Variants in DPP10 observed in about 807,000 individuals in gnomAD.
DPP10 encodes dipeptidyl peptidase like 10.
A neutral mutation model predicts 120.9 loss-of-function variants in DPP10; 33 were observed. The observed-to-expected ratio is 0.27, with a 90% CI of 0.21 to 0.37. The LOEUF (loss-of-function observed/expected upper bound fraction) is 0.37, where lower values mean the gene tolerates loss of function less well. DPP10 is among the 10% of genes least tolerant of loss of function. The pLI, the probability that DPP10 is intolerant of heterozygous loss-of-function variation, is 1.00. For synonymous variants in DPP10, 337 were observed against 326.1 expected (o/e 1.03, Z -0.36); for missense variants, 816 against 942.8 (o/e 0.87, Z 1.76).
chr2:114,522,263 C>T (rs575689834), intron 1 of DPP10, among the ~76,000 whole-genome samples: 35 of 152,138 alleles, frequency 2.3e-4, no homozygotes, highest in African/African-American at 7.7e-4. Flanking sequence ...GGATTACAGG[C>T]GTGAGCCACC....
At chr2:115,782,023 G>C (rs1266365080) in intron 16 of DPP10, among the ~76,000 whole-genome samples, 1 of 151,970 alleles carries the variant, frequency 6.6e-6, no homozygotes, top group Non-Finnish European at 1.5e-5. Context: ...TTGTGAATCA[G>C]CTTTGTGAAC....
chr2:115,153,156 T>C (rs1232206164), intron 1 of DPP10, among the ~76,000 whole-genome samples: 2 of 152,200 alleles, frequency 1.3e-5, no homozygotes, highest in Admixed American at 1.3e-4. Flanking sequence ...GTAATAATGC[T>C]TGTCCTTTGC....
At chr2:115,300,200 A>G (rs1428112067) in intron 1 of DPP10, among the ~76,000 whole-genome samples, 1 of 152,054 alleles carries the variant, frequency 6.6e-6, no homozygotes. Flanking sequence ...CTGAAACTGC[A>G]TAACCATTAA....
intron 1 of DPP10, among the ~76,000 whole-genome samples, chr2:114,581,249 T>A (rs1438034241): frequency 2.2e-5 from 3 of 138,768 alleles, no homozygotes; most frequent in African/African-American, 8.0e-5. Context: ...CAGTGGCGCA[T>A]CTTGGCTCAC....
intron 1 of DPP10, among the ~76,000 whole-genome samples, chr2:114,771,870 T>G (rs1187282495): frequency 6.6e-6 from 1 of 152,064 alleles, no homozygotes; most frequent in Non-Finnish European, 1.5e-5. Flanking sequence ...TAATAAACAC[T>G]TTAGATTTTT....
chr2:115,344,615 T>C (rs923675675), intron 3 of DPP10, among the ~76,000 whole-genome samples: 1 of 152,122 alleles, frequency 6.6e-6, no homozygotes, highest in African/African-American at 2.4e-5. Context: ...CTTAAGTCAA[T>C]CTCTGACATA....
At chr2:115,077,549 C>A (rs1707903631) in intron 1 of DPP10, among the ~76,000 whole-genome samples, 1 of 152,164 alleles carries the variant, frequency 6.6e-6, no homozygotes, top group Non-Finnish European at 1.5e-5. Flanking sequence ...ACAGTAACAA[C>A]CTTGCCTAAG....
intron 1 of DPP10, among the ~76,000 whole-genome samples, chr2:114,528,642 A>C (rs1448619832): frequency 6.6e-6 from 1 of 151,204 alleles, no homozygotes; most frequent in East Asian, 1.9e-4. Context: ...GAGATTACCA[A>C]AATGTTATTC....
At chr2:115,353,206 G>T (rs1026616444) in intron 3 of DPP10, among the ~76,000 whole-genome samples, 3 of 152,062 alleles carry the variant, frequency 2.0e-5, no homozygotes, top group Admixed American at 2.0e-4. Context: ...ATAAAATTCA[G>T]TCGCAGTCTA....
At chr2:115,747,562 A>G (rs1678138757) in intron 10 of DPP10, among the ~76,000 whole-genome samples, 1 of 149,418 alleles carries the variant, frequency 6.7e-6, no homozygotes, top group East Asian at 2.0e-4. Context: ...TGGATAAATC[A>G]CTTTACCTCT....
chr2:115,421,869 CAAAAAAAAAAAAAA>C (rs10610510), intron 3 of DPP10, among the ~76,000 whole-genome samples: 2 of 46,886 alleles, frequency 4.3e-5, no homozygotes, highest in African/African-American at 1.9e-4. Context: ...GACTCCATCT[CAAAAAAAAAAAAAA>C]AAAAAAAAAA....
At chr2:114,714,679 T>C (rs1035513357) in intron 1 of DPP10, among the ~76,000 whole-genome samples, 9 of 152,174 alleles carry the variant, frequency 5.9e-5, no homozygotes, top group African/African-American at 2.2e-4. Flanking sequence ...TGAGACTATT[T>C]GTAAGGTTCT....
chr2:115,640,977 T>C (rs943237109), intron 5 of DPP10, among the ~76,000 whole-genome samples: 3 of 152,228 alleles, frequency 2.0e-5, no homozygotes, highest in Non-Finnish European at 4.4e-5. Flanking sequence ...GTGGAATTCC[T>C]GCTAGGACTA....
chr2:115,378,866 A>G (rs1384784634), intron 3 of DPP10, among the ~76,000 whole-genome samples: 2 of 151,990 alleles, frequency 1.3e-5, no homozygotes, highest in Admixed American at 6.6e-5. Flanking sequence ...ATTGATTTGC[A>G]TATATTGAAC....
chr2:114,497,852 A>G (rs2104490657), intron 1 of DPP10, among the ~76,000 whole-genome samples: 1 of 152,318 alleles, frequency 6.6e-6, no homozygotes, highest in East Asian at 1.9e-4. Context: ...TGGGAGGCAC[A>G]GAACAAGGGG....
intron 2 of DPP10, among the ~76,000 whole-genome samples, chr2:115,326,523 G>A (rs1260908439): frequency 6.6e-6 from 1 of 151,882 alleles, no homozygotes; most frequent in African/African-American, 2.4e-5. Flanking sequence ...CTGTATAATA[G>A]CCTCACGAAT....
At chr2:115,173,668 A>G (rs1214493281) in intron 1 of DPP10, among the ~76,000 whole-genome samples, 1 of 152,192 alleles carries the variant, frequency 6.6e-6, no homozygotes, top group East Asian at 1.9e-4. Context: ...TCAAATTGCC[A>G]GCGTAAAATC....
intron 4 of DPP10, among the ~76,000 whole-genome samples, chr2:115,500,669 G>A (rs1041603484): frequency 1.3e-5 from 2 of 151,916 alleles, no homozygotes; most frequent in African/African-American, 4.8e-5. Context: ...GAAAAATAAT[G>A]ACATTTTTGG....
At chr2:115,679,812 A>G (rs976068841) in intron 5 of DPP10, among the ~76,000 whole-genome samples, 1 of 152,172 alleles carries the variant, frequency 6.6e-6, no homozygotes, top group Non-Finnish European at 1.5e-5. Context: ...AGAAGTAAAG[A>G]GAAGAACTGT....
Sources: gnomAD v4.1 joint callset for allele counts (sites outside exome capture counted in the v4.1 genomes callset) on GRCh38, gnomAD v4.1.1 for gene constraint, MANE v1.5 for transcripts, NCBI Gene and HGNC (gene_info 2026-07-23, HGNC 2026-07-21) for gene names.